The following CSMD1 variants were observed in gnomAD, a reference collection of about 807,000 sequenced individuals.
CSMD1 encodes the protein CUB and sushi domain-containing protein 1.
In CSMD1, 213 loss-of-function variants were observed where a neutral mutation model predicts 417.5. The ratio of observed to expected loss-of-function variants is 0.51; its 90% confidence interval spans 0.46 to 0.57. CSMD1 has a LOEUF of 0.57. Ranked by LOEUF, CSMD1 falls within the 20% of genes least tolerant of loss-of-function variation. The pLI is 0.00. For synonymous variants in CSMD1, 2,862 were observed against 1,736.8 expected, an observed-to-expected ratio of 1.65 and a Z score of -16.11; for missense variants, 6,923 against 4,529.7, an observed-to-expected ratio of 1.53 and a Z score of -15.17.
chr8:4,720,275 T>C (rs1273034693), intron 1 of CSMD1, among the ~76,000 whole-genome samples: 1 of 152,042 alleles, frequency 6.6e-6, no homozygotes, highest in Non-Finnish European at 1.5e-5. Flanking sequence ...GAAAAATTTT[T>C]CCAAATATCA....
chr8:4,045,599 T>G (rs994375358), intron 3 of CSMD1, among the ~76,000 whole-genome samples: 1 of 152,168 alleles, frequency 6.6e-6, no homozygotes, highest in Non-Finnish European at 1.5e-5. Flanking sequence ...AACTCAAGAA[T>G]GTTCCTGCTA....
At chr8:3,083,247 A>G (rs1373128651) in intron 49 of CSMD1, among the ~76,000 whole-genome samples, 2 of 152,070 alleles carry the variant, frequency 1.3e-5, no homozygotes, top group African/African-American at 4.8e-5. Flanking sequence ...CTTAGAACTG[A>G]AAATAAAATT....
chr8:3,847,672 C>G (rs1256560398), intron 5 of CSMD1, among the ~76,000 whole-genome samples: 1 of 152,074 alleles, frequency 6.6e-6, no homozygotes, highest in Non-Finnish European at 1.5e-5. Flanking sequence ...CATTTCTGGT[C>G]ATTTGCTACT....
At chr8:4,083,270 G>A (rs1230414925) in intron 3 of CSMD1, among the ~76,000 whole-genome samples, 1 of 152,112 alleles carries the variant, frequency 6.6e-6, no homozygotes, top group African/African-American at 2.4e-5. Context: ...AACCTCTCCA[G>A]CACCTGTCGT....
chr8:4,560,595 C>A (rs910785202), intron 2 of CSMD1, among the ~76,000 whole-genome samples: 3 of 152,218 alleles, frequency 2.0e-5, no homozygotes, highest in Non-Finnish European at 4.4e-5. Flanking sequence ...TATGGCAGAG[C>A]CTCCCTGAAA....
intron 2 of CSMD1, among the ~76,000 whole-genome samples, chr8:4,429,392 CTA>C (rs1050736970): frequency 6.6e-6 from 1 of 152,076 alleles, no homozygotes; most frequent in Non-Finnish European, 1.5e-5. Context: ...CATATACAAA[CTA>C]TATCGGACAA....
intron 50 of CSMD1, among the ~76,000 whole-genome samples, chr8:3,045,563 G>T (rs1015013723): frequency 3.9e-5 from 6 of 152,212 alleles, no homozygotes; most frequent in Non-Finnish European, 7.4e-5. Context: ...AAAGCCACTG[G>T]TCTATTACCT....
intron 10 of CSMD1, among the ~76,000 whole-genome samples, chr8:3,503,733 C>T (rs1412008193): frequency 6.6e-6 from 1 of 152,138 alleles, no homozygotes; most frequent in African/African-American, 2.4e-5. Flanking sequence ...CTGAGAAGAC[C>T]TGGCTTAGTT....
chr8:3,818,484 C>T (rs547679114), intron 5 of CSMD1, among the ~76,000 whole-genome samples: 1 of 152,266 alleles, frequency 6.6e-6, no homozygotes, highest in South Asian at 2.1e-4. Flanking sequence ...GTGCTAAATG[C>T]TTTCTTAGGC....
intron 5 of CSMD1, among the ~76,000 whole-genome samples, chr8:3,954,997 G>C (rs894483554): frequency 3.9e-5 from 6 of 152,148 alleles, no homozygotes; most frequent in Non-Finnish European, 7.3e-5. Context: ...AATAAGTGTG[G>C]ACCATCAGGA....
chr8:3,208,043 T>A (rs948686733), intron 30 of CSMD1, among the ~76,000 whole-genome samples: 6 of 152,104 alleles, frequency 3.9e-5, no homozygotes, highest in African/African-American at 1.4e-4. Flanking sequence ...TATCTTTCCT[T>A]TTCCTCAAAA....
intron 2 of CSMD1, among the ~76,000 whole-genome samples, chr8:4,428,759 G>T (rs150774676): frequency 6.6e-6 from 1 of 151,870 alleles, no homozygotes; most frequent in Non-Finnish European, 1.5e-5. Flanking sequence ...TAGCTTTGTC[G>T]CCCAGGCTGG....
intron 1 of CSMD1, among the ~76,000 whole-genome samples, chr8:4,930,055 C>G (rs1369692183): frequency 1.3e-5 from 2 of 152,114 alleles, no homozygotes; most frequent in African/African-American, 4.8e-5. Flanking sequence ...CAGAAGCAAA[C>G]CCCACAGGGC....
intron 5 of CSMD1, among the ~76,000 whole-genome samples, chr8:3,864,542 T>C (rs544184764): frequency 1.3e-4 from 20 of 152,310 alleles, no homozygotes; most frequent in Admixed American, 1.3e-4. Flanking sequence ...TATGTATACA[T>C]GTGCCATGTT....
At chr8:3,316,562 C>G (rs1805777847) in intron 23 of CSMD1, among the ~76,000 whole-genome samples, 1 of 152,106 alleles carries the variant, frequency 6.6e-6, no homozygotes, top group South Asian at 2.1e-4. Flanking sequence ...GTCTAGGGGC[C>G]TCCTGGACGC....
At chr8:4,139,019 T>C (rs572330234) in intron 3 of CSMD1, among the ~76,000 whole-genome samples, 1 of 78,058 alleles carries the variant, frequency 1.3e-5, no homozygotes, top group Non-Finnish European at 3.9e-5. Flanking sequence ...AGAAAGGACA[T>C]ATGCTGCATG....
At chr8:3,521,474 T>G (rs78373136) in intron 10 of CSMD1, among the ~76,000 whole-genome samples, 11 of 152,164 alleles carry the variant, frequency 7.2e-5, no homozygotes, top group African/African-American at 2.7e-4. Flanking sequence ...GCCCATAGCA[T>G]TGTTCCTTGC....
At chr8:3,302,905 TTC>T (rs1248419202) in intron 25 of CSMD1, among the ~76,000 whole-genome samples, 2 of 152,178 alleles carry the variant, frequency 1.3e-5, no homozygotes. Context: ...GGTTGCAGGT[TTC>T]TTTCCTCTGA....
chr8:4,227,913 A>T (rs574463803), intron 3 of CSMD1, among the ~76,000 whole-genome samples: 51 of 149,166 alleles, frequency 3.4e-4, no homozygotes, highest in Non-Finnish European at 4.5e-4. Flanking sequence ...CCTCCACCCC[A>T]CATTAAATCC....
Sources: allele counts gnomAD v4.1 joint callset (sites outside exome capture counted in the v4.1 genomes callset), GRCh38; gene constraint gnomAD v4.1.1; transcripts MANE v1.5; gene names NCBI Gene and HGNC (gene_info 2026-07-23, HGNC 2026-07-21).